The following KIF2A variants were observed in gnomAD, a reference collection of about 807,000 sequenced individuals.
KIF2A encodes kinesin family member 2A.
KIF2A carries 22 observed loss-of-function variants against 100.2 expected under a neutral mutation model. The observed-to-expected ratio is 0.22, with a 90% CI of 0.16 to 0.31. KIF2A has a LOEUF of 0.31. Among genes scored for constraint, KIF2A ranks in the 10% least tolerant of loss-of-function variants. KIF2A has a pLI of 1.00. For missense variants in KIF2A, 495 were observed against 898.7 expected, an observed-to-expected ratio of 0.55 and a Z score of 5.74; for synonymous variants, 268 against 285.9, an observed-to-expected ratio of 0.94 and a Z score of 0.63.
chr5:62,325,191 C>A lies in KIF2A; in HGVS notation c.64+18655C>A, dbSNP rs569197542. On this transcript the variant is annotated intron_variant, in intron 1 of 20. Coordinates refer to ENST00000407818, the MANE Select transcript of KIF2A (RefSeq NM_001098511.3). Reference sequence around the variant, plus strand: ...CCAGGCTCGAGTGCAGTGGCGTGATCTCGGCTCACTGAAACCTCCACCTCC... The same window carrying A: ...CCAGGCTCGAGTGCAGTGGCGTGATATCGGCTCACTGAAACCTCCACCTCC... Among the ~76,000 whole-genome samples, 50 of 152,128 alleles carry A rather than the reference C, an allele frequency of 3.3e-4. 1 individual carries two copies. Among genetic ancestry groups the A allele is most frequent in the African/African-American group, 1.1e-3 (46 of 41,496 alleles).
intron 1 of KIF2A, chr5:62,307,102 C>T (rs2111753296): frequency 7.0e-6 from 1 of 141,888 alleles, no homozygotes; most frequent in South Asian, 2.4e-4. Context: ...GTTTCGTCGT[C>T]GACCATGCTG....
Position 62,389,391 on chromosome 5 carries a change from CAGG to C in KIF2A, c.*3825_*3827del, listed in dbSNP as rs1742185948. On this transcript the variant is annotated 3_prime_UTR_variant, in exon 21 of 21. Coordinates refer to ENST00000407818, the MANE Select transcript of KIF2A (RefSeq NM_001098511.3). ...ATCCCAGCTACTCGGGTGGTTGAGGCAGGAGATTTGCCTGAACCCAGGAGGCGG... is the reference window on the plus strand; with the variant it reads ...ATCCCAGCTACTCGGGTGGTTGAGGCAGATTTGCCTGAACCCAGGAGGCGG... Among the ~76,000 whole-genome samples, 1 of 148,878 alleles carries C rather than the reference CAGG, an allele frequency of 6.7e-6. No homozygotes were observed. Among genetic ancestry groups the C allele is most frequent in the Non-Finnish European group, 1.5e-5 (1 of 67,656 alleles).
intron 1 of KIF2A, among the ~76,000 whole-genome samples, chr5:62,314,637 A>G (rs998202802): frequency 1.3e-5 from 2 of 151,816 alleles, no homozygotes; most frequent in African/African-American, 4.8e-5. Flanking sequence ...CTTTTTCTCC[A>G]GGTTTTTGTA....
At chr5:62,372,110 A>G (rs1432488450) in intron 16 of KIF2A, among the ~76,000 whole-genome samples, 1 of 152,206 alleles carries the variant, frequency 6.6e-6, no homozygotes, top group African/African-American at 2.4e-5. Flanking sequence ...TACTGACTAC[A>G]TGAAGAAATT....
At chr5:62,358,022 T>G in intron 8 of KIF2A, 115 bp from the exon 9 acceptor site, 1 of 790,866 alleles carries the variant, frequency 1.3e-6, no homozygotes, top group African/African-American at 1.8e-5. Flanking sequence ...GATATTATCT[T>G]TATATGTACA....
intron 15 of KIF2A, among the ~76,000 whole-genome samples, chr5:62,365,654 T>C (rs1741029942): frequency 6.6e-6 from 1 of 152,152 alleles, no homozygotes; most frequent in Admixed American, 6.5e-5. Context: ...TGGTCATATG[T>C]CTGGTAATTT....
rs529085507 is a variant in KIF2A at position 62,334,003 on chromosome 5, C to G, written c.65-13127C>G. Among the ~76,000 whole-genome samples, 4 of 152,248 alleles carry G rather than the reference C, an allele frequency of 2.6e-5. No homozygotes were observed. The South Asian group carries it at 8.3e-4, about 32-fold the overall frequency. ...ATGGGATACTTAGAAGCTGTCGTCACCCTCCTCCTGACCCCGGTCCTAATG... is the reference window on the plus strand; with the variant it reads ...ATGGGATACTTAGAAGCTGTCGTCAGCCTCCTCCTGACCCCGGTCCTAATG... On this transcript the variant is annotated intron_variant, in intron 1 of 20. Transcript: ENST00000407818.
At position 62,390,904 on chromosome 5, in the gene KIF2A, G is replaced by T; in HGVS notation, c.*5335G>T. 6.2e-7 allele frequency: 1 copy of T among 1,612,060 alleles called. No homozygotes were observed. Among genetic ancestry groups the T allele is most frequent in the Non-Finnish European group, 8.5e-7 (1 of 1,179,816 alleles). On this transcript the variant is annotated 3_prime_UTR_variant, in exon 21 of 21. Transcript: ENST00000407818. ...ATGAAGTCATCTATGTCCATGGAAC[G>T]GGCCCGTTTGTCACTAAAACCTGTG...
intron 20 of KIF2A, among the ~76,000 whole-genome samples, chr5:62,385,193 T>C (rs1237356949): frequency 6.6e-6 from 1 of 151,138 alleles, no homozygotes; most frequent in Non-Finnish European, 1.5e-5. Flanking sequence ...CTGCCTATAC[T>C]CTAGGAGGAA....
Position 62,383,217 on chromosome 5 carries a change from A to G in KIF2A, c.2149+1964A>G, listed in dbSNP as rs527399407. ...GCTGAGATTACAGGCATGAGCCACC[A>G]TGCCTGGCCAGATTTTTTTTTTTTT... On this transcript the variant is annotated intron_variant, in intron 20 of 20. Coordinates refer to ENST00000407818, the MANE Select transcript of KIF2A (RefSeq NM_001098511.3). Among the ~76,000 whole-genome samples the G allele has an allele frequency of 3.1e-5, 4 of 130,610 alleles. 1 individual carries two copies. The South Asian group carries it at 1.0e-3, about 34-fold the overall frequency. 85.7% of individuals were successfully genotyped at this position (130,610 alleles called of 152,430 possible).
intron 20 of KIF2A, among the ~76,000 whole-genome samples, chr5:62,383,387 C>T (rs1004799710): frequency 4.0e-5 from 6 of 151,654 alleles, no homozygotes; most frequent in East Asian, 3.9e-4. Context: ...GGACTACAGG[C>T]GCCCGCCACC....
intron 1 of KIF2A, among the ~76,000 whole-genome samples, chr5:62,334,552 C>A (rs1164115068): frequency 6.8e-6 from 1 of 147,866 alleles, no homozygotes; most frequent in South Asian, 2.2e-4. Flanking sequence ...TTCTCCTACT[C>A]CTCCTCTCGT....
chr5:62,324,155 C>G (rs1397201135), intron 1 of KIF2A, among the ~76,000 whole-genome samples: 3 of 152,042 alleles, frequency 2.0e-5, no homozygotes, highest in African/African-American at 7.2e-5. Flanking sequence ...TACAGCTAAC[C>G]AAGGAAGCGA....
intron 20 of KIF2A, among the ~76,000 whole-genome samples, chr5:62,382,778 C>T (rs796792712): frequency 8.9e-4 from 135 of 151,870 alleles, no homozygotes; most frequent in African/African-American, 3.1e-3. Flanking sequence ...GGATTACAGG[C>T]ACGCGCCACA....
intron 1 of KIF2A, among the ~76,000 whole-genome samples, chr5:62,318,739 C>T (rs539305052): frequency 6.6e-6 from 1 of 152,244 alleles, no homozygotes; most frequent in South Asian, 2.1e-4. Flanking sequence ...CCCTGCAGTA[C>T]TTCTCACATA....
At chr5:62,373,407 T>C (rs1376914565) in intron 17 of KIF2A, among the ~76,000 whole-genome samples, 2 of 152,000 alleles carry the variant, frequency 1.3e-5, no homozygotes, top group South Asian at 4.1e-4. Context: ...AACAAGTTTT[T>C]TTCTTTGAAT....
chr5:62,357,218 G>C (rs1216512172), intron 7 of KIF2A, among the ~76,000 whole-genome samples: 1 of 151,410 alleles, frequency 6.6e-6, no homozygotes, highest in Non-Finnish European at 1.5e-5. Flanking sequence ...CGAGTAGCTG[G>C]GACTACAGGC....
In KIF2A at chr5:62,363,116, T is replaced by C. The variant is rs897855553; in HGVS notation, c.1120-62T>C. On this transcript the variant is annotated intron_variant, in intron 12 of 20. Transcript: ENST00000407818. ...ATGCTGGGATTACAGGCGTGAGCCA[T>C]TGCACCTAGCCTGTTTTTTACTTTA... 6 of 1,397,234 alleles carry C rather than the reference T, an allele frequency of 4.3e-6. 1 individual carries two copies. The African/African-American group carries it at 5.8e-5, about 13-fold the overall frequency. The allele number at this position is 1,397,234 out of a possible 1,614,324, so 86.6% of individuals were successfully genotyped here.
Position 62,389,019 on chromosome 5 carries a change from A to G in KIF2A, c.*3450A>G. The G allele has an allele frequency of 1.2e-6, 2 of 1,609,872 alleles. No homozygotes were observed. The highest frequency in any genetic ancestry group is 1.7e-6 in the Non-Finnish European group (2 of 1,178,966). On this transcript the variant is annotated 3_prime_UTR_variant, in exon 21 of 21. Coordinates refer to ENST00000407818, the MANE Select transcript of KIF2A (RefSeq NM_001098511.3). ...TCTGTTTTCCAAATACCTAGGAAAA[A>G]TGAATACCTTCTGCGTTGAATCCAT...
Sources: allele counts gnomAD v4.1 joint callset (sites outside exome capture counted in the v4.1 genomes callset), GRCh38; gene constraint gnomAD v4.1.1; transcripts MANE v1.5; gene names NCBI Gene and HGNC (gene_info 2026-07-23, HGNC 2026-07-21).